Variants in CNTN4 observed in about 807,000 individuals in gnomAD.
CNTN4 encodes the protein contactin 4.
Under a neutral mutation model 122.5 loss-of-function variants are expected in CNTN4, and 77 were observed. The observed-to-expected ratio is 0.63, with a 90% CI of 0.52 to 0.76. The LOEUF is 0.76. Ranked by LOEUF, CNTN4 falls within the 30% of genes least tolerant of loss-of-function variation. CNTN4 has a pLI of 0.00. For synonymous variants in CNTN4, 512 were observed against 447.0 expected, an observed-to-expected ratio of 1.15 and a Z score of -1.83; for missense variants, 1,256 against 1,259.1, an observed-to-expected ratio of 1.00 and a Z score of 0.04.
chr3:2,416,300 CTT>C (rs2047409790), intron 3 of CNTN4, among the ~76,000 whole-genome samples: 1 of 152,092 alleles, frequency 6.6e-6, no homozygotes, highest in East Asian at 1.9e-4. Flanking sequence ...CCCTAATTAA[CTT>C]TTTCCTAGTA....
At chr3:2,193,002 C>T (rs1207855431) in intron 2 of CNTN4, among the ~76,000 whole-genome samples, 1 of 152,080 alleles carries the variant, frequency 6.6e-6, no homozygotes, top group Non-Finnish European at 1.5e-5. Context: ...GCCTTTTGCC[C>T]TCTCTCTGAT....
chr3:2,841,608 A>T lies in CNTN4; in HGVS notation c.454+22027A>T, dbSNP rs531669522. Among the ~76,000 whole-genome samples the T allele has an allele frequency of 2.6e-4, 39 of 152,294 alleles. No homozygotes were observed. The highest frequency in any genetic ancestry group is 1.6e-3 in the Admixed American group (25 of 15,294). ...GGCTTCGGGATTTGGTTATTTCCTCAACCCTTTGTGAAGAAATCTTTTAAT... is the reference window on the plus strand; with the variant it reads ...GGCTTCGGGATTTGGTTATTTCCTCTACCCTTTGTGAAGAAATCTTTTAAT... On this transcript the variant is annotated intron_variant, in intron 7 of 24. Transcript: ENST00000418658. The surrounding 1 kb of genome is among the most constrained non-coding windows in gnomAD (Gnocchi z 4.8).
intron 13 of CNTN4, among the ~76,000 whole-genome samples, chr3:2,951,522 G>A (rs1475575527): frequency 2.0e-5 from 3 of 152,204 alleles, no homozygotes; most frequent in Non-Finnish European, 4.4e-5. Context: ...TCTGCAGCCT[G>A]GGGGTTGGGG....
Position 3,043,729 on chromosome 3 carries a change from G to A in CNTN4, c.2811+25G>A, listed in dbSNP as rs772012496. 9.5e-6 allele frequency: 14 copies of A among 1,474,048 alleles called. No homozygotes were observed. The South Asian group carries it at 1.6e-4, about 17-fold the overall frequency. 91.3% of individuals were successfully genotyped at this position (1,474,048 alleles called of 1,614,324 possible). A position where few individuals can be genotyped will look rare whatever the true frequency, so the allele number is the denominator to read the frequency against. On this transcript the variant is annotated intron_variant, in intron 23 of 24. Coordinates refer to ENST00000418658, the MANE Select transcript of CNTN4 (RefSeq NM_175607.3). ...AGTAGGTAATTTCTTTTTTGCAAAG[G>A]CACCTAATCGTGCTGTGAGTGGGGG...
intron 6 of CNTN4, among the ~76,000 whole-genome samples, chr3:2,790,557 G>A (rs973382): frequency 0.56 from 85,261 of 152,024 alleles, 23,853 homozygotes; most frequent in East Asian, 0.66. Flanking sequence ...TTGCTGTGCA[G>A]TGTTCTGCTT....
chr3:2,833,145 G>T (rs1336862703), intron 7 of CNTN4, among the ~76,000 whole-genome samples: 1 of 152,158 alleles, frequency 6.6e-6, no homozygotes, highest in Non-Finnish European at 1.5e-5. Flanking sequence ...ATGAATGGAT[G>T]CATCTCCACT....
chr3:2,485,227 G>A (rs1043142991), intron 3 of CNTN4, among the ~76,000 whole-genome samples: 11 of 152,306 alleles, frequency 7.2e-5, no homozygotes, highest in Admixed American at 2.6e-4. Flanking sequence ...CGGAGCCTCC[G>A]CAGACAGCAC....
chr3:2,254,006 A>T (rs758478679), intron 2 of CNTN4, among the ~76,000 whole-genome samples: 1 of 152,038 alleles, frequency 6.6e-6, no homozygotes, highest in Non-Finnish European at 1.5e-5. Flanking sequence ...CATAATCTAC[A>T]TTGGGTATTT....
chr3:2,184,052 G>C (rs982274937), intron 2 of CNTN4, among the ~76,000 whole-genome samples: 5 of 152,014 alleles, frequency 3.3e-5, no homozygotes, highest in African/African-American at 4.8e-5. Flanking sequence ...GCTTACTGCA[G>C]CCTCAGTCTC....
In CNTN4 at chr3:2,258,753, T is replaced by A. The variant is rs182169443; in HGVS notation, c.-144-80425T>A. ...AGATACTTTGAACTGGCATCTCATG[T>A]CTTAGTCTGAGTTCCTAACCTTTTT... On this transcript the variant is annotated intron_variant, in intron 2 of 24. Transcript: ENST00000418658. Among the ~76,000 whole-genome samples the A allele has an allele frequency of 2.6e-3, 393 of 152,226 alleles. 1 individual carries two copies. The highest frequency in any genetic ancestry group is 9.2e-3 in the African/African-American group (383 of 41,584).
intron 7 of CNTN4, among the ~76,000 whole-genome samples, chr3:2,853,946 G>T (rs1387440781): frequency 6.6e-6 from 1 of 152,140 alleles, no homozygotes; most frequent in Non-Finnish European, 1.5e-5. Context: ...ACGAAGCATT[G>T]CTAAGAAGAT....
chr3:2,451,084 A>G (rs891903667), intron 3 of CNTN4, among the ~76,000 whole-genome samples: 1 of 152,210 alleles, frequency 6.6e-6, no homozygotes, highest in Non-Finnish European at 1.5e-5. Flanking sequence ...GAATGTAGAG[A>G]TAGAAGGGAA....
At chr3:2,766,170 C>T (rs57236666) in intron 6 of CNTN4, among the ~76,000 whole-genome samples, 1 of 152,162 alleles carries the variant, frequency 6.6e-6, no homozygotes, top group Non-Finnish European at 1.5e-5. Context: ...GTTAATGTGG[C>T]CTTCTTCAGT....
intron 12 of CNTN4, among the ~76,000 whole-genome samples, chr3:2,911,659 A>G (rs9829378): frequency 4.1e-4 from 63 of 152,344 alleles, no homozygotes; most frequent in African/African-American, 1.5e-3. Context: ...GAATTAAGAG[A>G]CAGTACAGAT....
chr3:2,774,876 A>C (rs896314115), intron 6 of CNTN4, among the ~76,000 whole-genome samples: 2 of 152,246 alleles, frequency 1.3e-5, no homozygotes, highest in African/African-American at 4.8e-5. Flanking sequence ...GCTGTTTACA[A>C]AATAGCCTGT....
At chr3:2,334,140 G>T (rs1391402733) in intron 2 of CNTN4, among the ~76,000 whole-genome samples, 1 of 152,040 alleles carries the variant, frequency 6.6e-6, no homozygotes, top group Non-Finnish European at 1.5e-5. Context: ...GCTATAGACT[G>T]GTTTGGCTTG....
At chr3:2,979,501 C>T (rs1038089477) in intron 13 of CNTN4, among the ~76,000 whole-genome samples, 2 of 152,032 alleles carry the variant, frequency 1.3e-5, no homozygotes, top group Non-Finnish European at 2.9e-5. Flanking sequence ...GTTTAGCCTC[C>T]CTCGTAATGT....
At chr3:2,108,438 G>T (rs1406605569) in intron 2 of CNTN4, among the ~76,000 whole-genome samples, 1 of 152,084 alleles carries the variant, frequency 6.6e-6, no homozygotes, top group East Asian at 1.9e-4. Flanking sequence ...CCAGGATGCT[G>T]GATATTCATT....
At chr3:2,815,093 T>C (rs191899941) in intron 6 of CNTN4, among the ~76,000 whole-genome samples, 1 of 152,240 alleles carries the variant, frequency 6.6e-6, no homozygotes, top group Non-Finnish European at 1.5e-5. Context: ...CAACTGAAAA[T>C]GGATTAAGGA....
Sources: allele counts gnomAD v4.1 joint callset (sites outside exome capture counted in the v4.1 genomes callset), GRCh38; gene constraint gnomAD v4.1.1; non-coding constraint Gnocchi (gnomAD v3.1); transcripts MANE v1.5; gene names NCBI Gene and HGNC (gene_info 2026-07-23, HGNC 2026-07-21).